The following MED12L variants were observed in gnomAD, a reference collection of about 807,000 sequenced individuals.
The protein encoded by MED12L is mediator of RNA polymerase II transcription subunit 12-like protein.
In MED12L, 60 loss-of-function variants were observed where a neutral mutation model predicts 281.3. The ratio of observed to expected loss-of-function variants is 0.21; its 90% confidence interval spans 0.17 to 0.26. MED12L has a LOEUF of 0.26. MED12L is among the 10% of genes least tolerant of loss of function. The pLI is 1.00. For missense variants in MED12L, 2,146 were observed against 2,680.9 expected (o/e 0.80, Z 4.41); for synonymous variants, 974 against 987.2 (o/e 0.99, Z 0.25).
chr3:151,239,569 A>G (rs1391002421), intron 16 of MED12L, among the ~76,000 whole-genome samples: 6 of 152,224 alleles, frequency 3.9e-5, no homozygotes, highest in Non-Finnish European at 7.3e-5. Flanking sequence ...TAAAAATGTT[A>G]CTTGTGTTAA....
At chr3:151,298,748 G>A (rs1386212527) in intron 16 of MED12L, among the ~76,000 whole-genome samples, 1 of 152,088 alleles carries the variant, frequency 6.6e-6, no homozygotes, top group Non-Finnish European at 1.5e-5. Flanking sequence ...TGTGTGTTGG[G>A]GAATGCTTGG....
At chr3:151,221,123 C>T (rs368662009) in intron 16 of MED12L, among the ~76,000 whole-genome samples, 12 of 152,284 alleles carry the variant, frequency 7.9e-5, no homozygotes, top group African/African-American at 2.6e-4. Flanking sequence ...CATTTTGCCC[C>T]TACCCTAGAG....
At chr3:151,113,941 A>C (rs1712321538) in intron 2 of MED12L, among the ~76,000 whole-genome samples, 1 of 152,238 alleles carries the variant, frequency 6.6e-6, no homozygotes, top group Non-Finnish European at 1.5e-5. Flanking sequence ...TTAGGCCAGA[A>C]TGTATTTTTA....
intron 16 of MED12L, among the ~76,000 whole-genome samples, chr3:151,225,632 C>T (rs543818828): frequency 2.0e-5 from 3 of 152,304 alleles, no homozygotes; most frequent in East Asian, 3.9e-4. Context: ...CAGATCCTAT[C>T]GGTAGCTGTC....
intron 16 of MED12L, among the ~76,000 whole-genome samples, chr3:151,314,067 G>A (rs1577310181): frequency 6.6e-6 from 1 of 152,172 alleles, no homozygotes; most frequent in Non-Finnish European, 1.5e-5. Flanking sequence ...ATTAGAAAAG[G>A]TCATTTAAGG....
intron 34 of MED12L, 73 bp from the exon 35 acceptor site, chr3:151,384,010 G>C: frequency 6.5e-7 from 1 of 1,527,618 alleles, no homozygotes; most frequent in Non-Finnish European, 8.9e-7. Flanking sequence ...TCTGTGCCTT[G>C]AATAAAAATA....
chr3:151,364,900 A>T, intron 21 of MED12L, 79 bp from the exon 22 acceptor site: 1 of 1,010,788 alleles, frequency 9.9e-7, no homozygotes, highest in Non-Finnish European at 1.5e-6. Flanking sequence ...CCTGCCATTT[A>T]ATATGTCCTT....
chr3:151,316,223 G>A (rs926164868), intron 16 of MED12L, among the ~76,000 whole-genome samples: 1 of 152,000 alleles, frequency 6.6e-6, no homozygotes, highest in Non-Finnish European at 1.5e-5. Context: ...AAACAATACG[G>A]ATAAACGATT....
chr3:151,213,414 C>T (rs144133888), intron 16 of MED12L: 191 of 1,613,858 alleles, frequency 1.2e-4, no homozygotes, highest in African/African-American at 6.0e-4. Flanking sequence ...TTTCCCTAAA[C>T]GGCTGGCATA....
At chr3:151,326,014 T>C (rs1420567209) in intron 16 of MED12L, among the ~76,000 whole-genome samples, 5 of 152,230 alleles carry the variant, frequency 3.3e-5, no homozygotes, top group Admixed American at 1.3e-4. Context: ...TAAAGGTGTT[T>C]GTTATATTCA....
At chr3:151,328,086 A>T (rs376418702) in intron 16 of MED12L, 76 of 1,609,716 alleles carry the variant, frequency 4.7e-5, no homozygotes, top group Non-Finnish European at 6.2e-5. Flanking sequence ...TTTTCTGTGA[A>T]TTTTTTACAT....
At chr3:151,122,703 A>G (rs1454477267) in intron 3 of MED12L, 80 bp from the exon 4 acceptor site, 23 of 978,698 alleles carry the variant, frequency 2.4e-5, no homozygotes, top group Middle Eastern at 4.8e-4. Flanking sequence ...AATTGAAACA[A>G]TAAAGAAAAA....
At chr3:151,177,117 T>A (rs1722145903) in intron 11 of MED12L, among the ~76,000 whole-genome samples, 1 of 152,196 alleles carries the variant, frequency 6.6e-6, no homozygotes, top group African/African-American at 2.4e-5. Flanking sequence ...TCCTGTGGTT[T>A]TATTTTCTGT....
At chr3:151,099,152 GAAACAGCC>G (rs1343859687) in intron 2 of MED12L, among the ~76,000 whole-genome samples, 1 of 152,160 alleles carries the variant, frequency 6.6e-6, no homozygotes, top group Non-Finnish European at 1.5e-5. Flanking sequence ...TTTGGGTGGG[GAAACAGCC>G]AAACCATATC....
intron 11 of MED12L, among the ~76,000 whole-genome samples, chr3:151,181,137 A>G (rs1239367525): frequency 6.6e-6 from 1 of 151,792 alleles, no homozygotes; most frequent in African/African-American, 2.4e-5. Context: ...GGCTTATTTC[A>G]TATTTGGAAT....
rs868790738 is a variant in MED12L at position 151,337,840 on chromosome 3, G to T, written c.2251-12219G>T. On this transcript the variant is annotated intron_variant, in intron 16 of 44. Transcript: ENST00000687756. Reference sequence around the variant, plus strand: ...GTTTACATTGGAGTCTCTTCATTTGGGTCACCACCATCCTGTTCTTTTTTC... The same window carrying T: ...GTTTACATTGGAGTCTCTTCATTTGTGTCACCACCATCCTGTTCTTTTTTC... 1 of 1,613,918 alleles carries T rather than the reference G, an allele frequency of 6.2e-7. No homozygotes were observed. The highest frequency in any genetic ancestry group is 8.5e-7 in the Non-Finnish European group (1 of 1,179,946).
rs1374787949 is a variant in MED12L at position 151,183,800 on chromosome 3, T to C, written c.1495-1530T>C. ...ACCTGTTTCTTGTAGCACATTTTAG[T>C]GTAATCCTGAAGATGCAGGAGAAAA... On this transcript the variant is annotated intron_variant, in intron 11 of 44. Transcript: ENST00000687756. Among the ~76,000 whole-genome samples, 12 of 152,344 alleles carry C rather than the reference T, an allele frequency of 7.9e-5. No homozygotes were observed. In the South Asian group the frequency reaches 1.7e-3, roughly 21 times the overall value.
intron 16 of MED12L, among the ~76,000 whole-genome samples, chr3:151,332,748 T>A (rs199676884): frequency 6.6e-6 from 1 of 150,990 alleles, no homozygotes; most frequent in South Asian, 2.1e-4. Flanking sequence ...ATTTTTTTTT[T>A]AACTTTATTT....
intron 11 of MED12L, among the ~76,000 whole-genome samples, chr3:151,180,394 A>G (rs1426771767): frequency 6.6e-6 from 1 of 152,206 alleles, no homozygotes; most frequent in Non-Finnish European, 1.5e-5. Flanking sequence ...ATGTCTTGTT[A>G]CTTTATGATT....
Sources: gnomAD v4.1 joint callset for allele counts (sites outside exome capture counted in the v4.1 genomes callset) on GRCh38, gnomAD v4.1.1 for gene constraint, MANE v1.5 for transcripts, NCBI Gene and HGNC (gene_info 2026-07-23, HGNC 2026-07-21) for gene names.